The following SLC8A1 variants were observed in gnomAD, a reference collection of about 807,000 sequenced individuals.
SLC8A1 encodes solute carrier family 8 member A1, also known as sodium/calcium exchanger 1.
Under a neutral mutation model 68.3 loss-of-function variants are expected in SLC8A1, and 18 were observed. That is an observed-to-expected ratio of 0.26 (90% CI 0.18 to 0.39). SLC8A1 has a LOEUF of 0.39. SLC8A1 is among the 10% of genes least tolerant of loss of function. The pLI, the probability that SLC8A1 is intolerant of heterozygous loss-of-function variation, is 1.00. For missense variants in SLC8A1, 985 were observed against 1,156.7 expected (o/e 0.85, Z 2.15); for synonymous variants, 475 against 415.5 (o/e 1.14, Z -1.74).
chr2:40,378,624 A>G (rs940976426), intron 2 of SLC8A1, among the ~76,000 whole-genome samples: 5 of 152,220 alleles, frequency 3.3e-5, no homozygotes, highest in Admixed American at 6.5e-5. Flanking sequence ...CATATAGCTG[A>G]TAACAGTTTG....
At chr2:40,161,841 G>C (rs952214306) in intron 5 of SLC8A1, among the ~76,000 whole-genome samples, 1 of 152,176 alleles carries the variant, frequency 6.6e-6, no homozygotes, top group Non-Finnish European at 1.5e-5. Flanking sequence ...TAATTGCAAA[G>C]AGGCAGAAAA....
chr2:40,242,691 C>A (rs951116614), intron 2 of SLC8A1, among the ~76,000 whole-genome samples: 13 of 152,084 alleles, frequency 8.5e-5, no homozygotes, highest in African/African-American at 3.1e-4. Context: ...CAGAAGCAAA[C>A]CAAAATCCAG....
At position 40,362,633 on chromosome 2, in the gene SLC8A1, T is replaced by C. The variant is rs561441385; in HGVS notation, c.1808+65840A>G. 8.5e-5 allele frequency among the ~76,000 whole-genome samples: 13 copies of C among 152,250 alleles called. No homozygotes were observed. In the South Asian group the frequency reaches 2.7e-3, roughly 32 times the overall value. ...AATCAATACAGAGGTGTTGTCTTGGTGACTCAAATATCACAAAATGTTGTT... is the reference window on the plus strand; with the variant it reads ...AATCAATACAGAGGTGTTGTCTTGGCGACTCAAATATCACAAAATGTTGTT... On this transcript the variant is annotated intron_variant, in intron 2 of 7. Transcript: ENST00000406785.
chr2:40,145,027 C>T (rs2042193927), intron 6 of SLC8A1, among the ~76,000 whole-genome samples: 2 of 152,152 alleles, frequency 1.3e-5, no homozygotes, highest in Non-Finnish European at 2.9e-5. Flanking sequence ...GTGCATCCTT[C>T]CTATCTGCTA....
intron 1 of SLC8A1, among the ~76,000 whole-genome samples, chr2:40,506,083 T>G (rs1017177794): frequency 4.7e-5 from 7 of 150,178 alleles, no homozygotes; most frequent in African/African-American, 9.8e-5. Flanking sequence ...GAGACACATT[T>G]TATGCAATAT....
chr2:40,394,353 C>T (rs773565986), intron 2 of SLC8A1, among the ~76,000 whole-genome samples: 21 of 151,858 alleles, frequency 1.4e-4, no homozygotes, highest in Middle Eastern at 3.2e-3. Context: ...AAGATATTTG[C>T]TTTTTCTAAC....
intron 7 of SLC8A1, among the ~76,000 whole-genome samples, chr2:40,133,252 G>A (rs2039756622): frequency 6.6e-6 from 1 of 152,128 alleles, no homozygotes; most frequent in Non-Finnish European, 1.5e-5. Context: ...AGAACATGGT[G>A]AACAACCAGG....
intron 2 of SLC8A1, among the ~76,000 whole-genome samples, chr2:40,402,372 G>A (rs913898525): frequency 6.6e-6 from 1 of 152,180 alleles, no homozygotes; most frequent in African/African-American, 2.4e-5. Context: ...TCACCCCTTG[G>A]CATATGATTA....
intron 2 of SLC8A1, among the ~76,000 whole-genome samples, chr2:40,275,003 G>A (rs1574986682): frequency 6.6e-6 from 1 of 152,172 alleles, no homozygotes; most frequent in Non-Finnish European, 1.5e-5. Flanking sequence ...GTAATTTACT[G>A]CAAAAGTGCA....
Position 40,331,601 on chromosome 2 carries a change from A to AT in SLC8A1, c.1808+96871dup, listed in dbSNP as rs915752687. 1.7e-4 allele frequency among the ~76,000 whole-genome samples: 25 copies of AT among 148,974 alleles called. No individual in the cohort carries two copies. The South Asian group carries it at 1.9e-3, about 11-fold the overall frequency. On this transcript the variant is annotated intron_variant, in intron 2 of 7. Coordinates refer to ENST00000406785, the Ensembl canonical transcript of SLC8A1. The stretch of plus-strand genomic sequence containing the variant: ...TATTTATTTATTTTATTTTATGTTT[A>AT]TTTTTTTTTTGAGACGGAGTCTCGC...
exon 8 of SLC8A1, chr2:40,105,109 G>A (rs1193378645): frequency 6.6e-6 from 1 of 152,036 alleles, no homozygotes; most frequent in Non-Finnish European, 1.5e-5. Context: ...TCTCCAAGGA[G>A]AATTAGAAAA....
intron 7 of SLC8A1, among the ~76,000 whole-genome samples, chr2:40,116,452 A>G (rs1240807411): frequency 6.6e-6 from 1 of 152,082 alleles, no homozygotes; most frequent in Admixed American, 6.6e-5. Context: ...TCCCAGTGCT[A>G]TCCCTCCCCC....
chr2:40,193,372 A>C (rs1402395986), intron 2 of SLC8A1, among the ~76,000 whole-genome samples: 1 of 152,166 alleles, frequency 6.6e-6, no homozygotes, highest in African/African-American at 2.4e-5. Context: ...GGATAAAAAG[A>C]GGAGTACGAA....
intron 2 of SLC8A1, among the ~76,000 whole-genome samples, chr2:40,428,073 G>A (rs543673379): frequency 1.1e-4 from 16 of 152,166 alleles, no homozygotes; most frequent in Non-Finnish European, 1.6e-4. Flanking sequence ...ACTCAGAAAC[G>A]AAGTTAGAGA....
chr2:40,350,932 G>A (rs142888027), intron 2 of SLC8A1, among the ~76,000 whole-genome samples: 15 of 152,224 alleles, frequency 9.9e-5, no homozygotes, highest in Admixed American at 2.6e-4. Flanking sequence ...TATGTGACTT[G>A]TCAAAGGGCA....
intron 2 of SLC8A1, among the ~76,000 whole-genome samples, chr2:40,236,339 C>A (rs1427205625): frequency 2.0e-5 from 3 of 152,148 alleles, no homozygotes; most frequent in Admixed American, 6.5e-5. Context: ...GAATTGATCT[C>A]TTTACCATTA....
chr2:40,134,839 T>G (rs1244107651), intron 7 of SLC8A1, among the ~76,000 whole-genome samples: 1 of 152,142 alleles, frequency 6.6e-6, no homozygotes, highest in East Asian at 1.9e-4. Flanking sequence ...GGCACTAGAT[T>G]AGTGGACAGA....
intron 2 of SLC8A1, among the ~76,000 whole-genome samples, chr2:40,368,864 G>C (rs1348291529): frequency 2.0e-5 from 3 of 151,980 alleles, no homozygotes; most frequent in Non-Finnish European, 4.4e-5. Context: ...AAACAGAATA[G>C]AGAACCCAGA....
intron 4 of SLC8A1, chr2:40,170,333 C>G (rs765273069): frequency 6.2e-7 from 1 of 1,614,040 alleles, no homozygotes; most frequent in South Asian, 1.1e-5. Flanking sequence ...CATGAACCTT[C>G]CTGAAGACAG....
Sources: gnomAD v4.1 joint callset for allele counts (sites outside exome capture counted in the v4.1 genomes callset) on GRCh38, gnomAD v4.1.1 for gene constraint, MANE v1.5 for transcripts, NCBI Gene and HGNC (gene_info 2026-07-23, HGNC 2026-07-21) for gene names.